TTLL5: variants seen among roughly 807,000 people sequenced by gnomAD.
The protein encoded by TTLL5 is tubulin tyrosine ligase like 5, also known as tubulin polyglutamylase TTLL5.
TTLL5 carries 132 observed loss-of-function variants against 168.4 expected under a neutral mutation model. The observed-to-expected ratio is 0.78, with a 90% CI of 0.68 to 0.91. TTLL5 has a LOEUF of 0.91. TTLL5 is among the 40% of genes least tolerant of loss of function. The pLI is 0.00. For missense variants in TTLL5, 1,545 were observed against 1,581.5 expected (o/e 0.98, Z 0.39); for synonymous variants, 546 against 558.6 (o/e 0.98, Z 0.32).
At chr14:75,791,676 A>G (rs541672304) in intron 26 of TTLL5, among the ~76,000 whole-genome samples, 1 of 152,280 alleles carries the variant, frequency 6.6e-6, no homozygotes, top group South Asian at 2.1e-4. Flanking sequence ...TCATTACAGT[A>G]TGCATATAAC....
chr14:75,728,358 GAAAAAAA>G (rs11326438), intron 12 of TTLL5, among the ~76,000 whole-genome samples: 2 of 99,680 alleles, frequency 2.0e-5, no homozygotes, highest in South Asian at 3.2e-4. Context: ...CTCCATCTCA[GAAAAAAA>G]AAAAAAAAAG....
intron 3 of TTLL5, among the ~76,000 whole-genome samples, chr14:75,681,218 A>T (rs1179919010): frequency 1.3e-5 from 2 of 152,212 alleles, no homozygotes; most frequent in African/African-American, 4.8e-5. Context: ...AAATAATATT[A>T]AAAATATCTG....
chr14:75,675,146 C>CTAAAGT (rs908607375), intron 3 of TTLL5, among the ~76,000 whole-genome samples: 3 of 152,038 alleles, frequency 2.0e-5, no homozygotes, highest in African/African-American at 7.2e-5. Context: ...TTTAAATTAA[C>CTAAAGT]TAAAGTTAAA....
chr14:75,817,830 C>CCT (rs1894533494), intron 27 of TTLL5, among the ~76,000 whole-genome samples: 1 of 83,860 alleles, frequency 1.2e-5, no homozygotes, highest in African/African-American at 5.1e-5. Context: ...CTTTTCTTTT[C>CCT]TTTTTTTTTT....
intron 29 of TTLL5, among the ~76,000 whole-genome samples, chr14:75,871,941 C>T (rs566519457): frequency 2.0e-5 from 3 of 152,258 alleles, no homozygotes; most frequent in African/African-American, 7.2e-5. Flanking sequence ...TAGAGATTGC[C>T]TTTGACTAAT....
At chr14:75,739,616 A>G (rs1889124502) in intron 15 of TTLL5, among the ~76,000 whole-genome samples, 1 of 152,190 alleles carries the variant, frequency 6.6e-6, no homozygotes, top group Non-Finnish European at 1.5e-5. Flanking sequence ...TGGAAAGAAT[A>G]TGGACTTTTA....
intron 28 of TTLL5, among the ~76,000 whole-genome samples, chr14:75,839,594 T>C (rs948832718): frequency 1.3e-5 from 2 of 152,134 alleles, no homozygotes; most frequent in African/African-American, 4.8e-5. Context: ...TGCCAGATGC[T>C]TACAAAACCA....
At chr14:75,904,235 A>C (rs1273965770) in intron 31 of TTLL5, 1 of 1,200,004 alleles carries the variant, frequency 8.3e-7, no homozygotes, top group East Asian at 6.3e-5. Context: ...AAAAAGAATT[A>C]CTAGAACATG....
At chr14:75,887,260 A>G in intron 30 of TTLL5, 1 of 986,324 alleles carries the variant, frequency 1.0e-6, no homozygotes, top group Non-Finnish European at 1.2e-6. Flanking sequence ...TGTTTAAGAG[A>G]TTAATGTCAG....
intron 31 of TTLL5, among the ~76,000 whole-genome samples, chr14:75,921,786 G>A (rs2033833440): frequency 6.6e-6 from 1 of 152,108 alleles, no homozygotes; most frequent in Non-Finnish European, 1.5e-5. Flanking sequence ...AGCTTGATGG[G>A]GATGGCATTG....
rs144043843 is a variant in TTLL5, at chr14:75,948,710, A to G, written c.3824-5714A>G. Reference sequence around the variant, plus strand: ...AATAGCAATAATAAAGATATAGAGGAAAATAAACATACAGTTGAGAGGAAT... The same window carrying G: ...AATAGCAATAATAAAGATATAGAGGGAAATAAACATACAGTTGAGAGGAAT... On this transcript the variant is annotated intron_variant, in intron 31 of 31. Coordinates refer to ENST00000298832, the MANE Select transcript of TTLL5 (RefSeq NM_015072.5). Among the ~76,000 whole-genome samples the G allele has an allele frequency of 2.0e-3, 302 of 152,252 alleles. 1 individual carries two copies. The highest frequency in any genetic ancestry group is 6.9e-3 in the African/African-American group (285 of 41,554).
At chr14:75,680,100 C>A (rs890634673) in intron 3 of TTLL5, among the ~76,000 whole-genome samples, 2 of 152,116 alleles carry the variant, frequency 1.3e-5, no homozygotes, top group Non-Finnish European at 2.9e-5. Context: ...ATGAAGTCCT[C>A]TAAAAAAATT....
intron 30 of TTLL5, among the ~76,000 whole-genome samples, chr14:75,883,247 A>G (rs1436495757): frequency 1.3e-5 from 2 of 152,256 alleles, no homozygotes; most frequent in South Asian, 2.1e-4. Flanking sequence ...ATCTAAGAGG[A>G]TAATATAACT....
chr14:75,696,054 G>T (rs1885835635), intron 6 of TTLL5, among the ~76,000 whole-genome samples: 1 of 151,604 alleles, frequency 6.6e-6, no homozygotes, highest in Admixed American at 6.6e-5. Flanking sequence ...ACCATGCCTG[G>T]CTAATTTTTT....
At position 75,676,841 on chromosome 14, in the gene TTLL5, A is replaced by G. The variant is rs150072696; in HGVS notation, c.182-4704A>G. On this transcript the variant is annotated intron_variant, in intron 3 of 31. Coordinates refer to ENST00000298832, the MANE Select transcript of TTLL5 (RefSeq NM_015072.5). ...GCTGAAGTGCAGTGGCATGATTACA[A>G]CTCACTACTACAGCCTTGACCTCCT... Among the ~76,000 whole-genome samples the G allele has an allele frequency of 4.8e-3, 728 of 151,178 alleles. 24 individuals are homozygous for G. The East Asian group carries it at 0.087, about 18-fold the overall frequency.
At chr14:75,904,096 C>A in intron 31 of TTLL5, 2 of 1,241,920 alleles carry the variant, frequency 1.6e-6, no homozygotes, top group Non-Finnish European at 2.1e-6. Context: ...CCCAGCCACA[C>A]TGATCCATGG....
chr14:75,707,597 T>A lies in TTLL5; in HGVS notation c.656-26T>A, dbSNP rs746026184. 6 of 1,599,612 alleles carry A rather than the reference T, an allele frequency of 3.8e-6. No individual in the cohort carries two copies. The Admixed American group carries it at 1.0e-4, about 28-fold the overall frequency. On this transcript the variant is annotated intron_variant, in intron 8 of 31. Transcript: ENST00000298832. ...GAAACAAATGAACTTAGTTTTTTTT[T>A]GTGAATACAAACTTTTTTTTTTTAG...
intron 28 of TTLL5, chr14:75,837,090 A>G (rs569742544): frequency 3.0e-4 from 45 of 152,360 alleles, no homozygotes; most frequent in African/African-American, 9.1e-4. Flanking sequence ...TTCTGGCTCA[A>G]ATTCTCTTAT....
At chr14:75,911,356 A>G (rs1281074084) in intron 31 of TTLL5, among the ~76,000 whole-genome samples, 1 of 152,178 alleles carries the variant, frequency 6.6e-6, no homozygotes. Flanking sequence ...AGTTGATACC[A>G]GAGAGGAGTA....
Sources: gnomAD v4.1 joint callset for allele counts (sites outside exome capture counted in the v4.1 genomes callset) on GRCh38, gnomAD v4.1.1 for gene constraint, MANE v1.5 for transcripts, NCBI Gene and HGNC (gene_info 2026-07-23, HGNC 2026-07-21) for gene names.